The following EHBP1 variants were observed in gnomAD, a reference collection of about 807,000 sequenced individuals.
EHBP1 encodes the protein EH domain-binding protein 1.
Under a neutral mutation model 144.0 loss-of-function variants are expected in EHBP1, and 55 were observed. The ratio of observed to expected loss-of-function variants is 0.38; its 90% CI spans 0.31 to 0.48. The LOEUF (loss-of-function observed/expected upper bound fraction) is 0.48, where lower values mean the gene tolerates loss of function less well. Ranked by LOEUF, EHBP1 falls within the 20% of genes least tolerant of loss-of-function variation. The pLI, the probability that EHBP1 is intolerant of heterozygous loss-of-function variation, is 0.98. For synonymous variants in EHBP1, 469 were observed against 472.7 expected (o/e 0.99, Z 0.10); for missense variants, 1,200 against 1,364.2 (o/e 0.88, Z 1.90).
chr2:62,998,148 T>C (rs777159546), intron 19 of EHBP1, among the ~76,000 whole-genome samples: 17 of 152,302 alleles, frequency 1.1e-4, no homozygotes, highest in Non-Finnish European at 1.8e-4. Flanking sequence ...AGACCTTAGA[T>C]TGGAATTCAG....
At chr2:62,827,291 T>C (rs1001529671) in intron 6 of EHBP1, among the ~76,000 whole-genome samples, 10 of 152,232 alleles carry the variant, frequency 6.6e-5, no homozygotes, top group African/African-American at 1.4e-4. Context: ...GGAAGCATCT[T>C]AGTCTTTCAT....
At chr2:62,748,632 C>T (rs2039380733) in intron 3 of EHBP1, among the ~76,000 whole-genome samples, 1 of 152,060 alleles carries the variant, frequency 6.6e-6, no homozygotes, top group Non-Finnish European at 1.5e-5. Flanking sequence ...TGCCCTCCAG[C>T]CTGGGTGACA....
intron 6 of EHBP1, among the ~76,000 whole-genome samples, chr2:62,828,105 G>A (rs903576402): frequency 1.3e-5 from 2 of 152,130 alleles, no homozygotes; most frequent in Admixed American, 6.5e-5. Context: ...TTAAAAAGGG[G>A]AAATGACTTT....
chr2:62,978,071 C>A (rs921714924), intron 14 of EHBP1, among the ~76,000 whole-genome samples: 1 of 152,070 alleles, frequency 6.6e-6, no homozygotes, highest in Non-Finnish European at 1.5e-5. Flanking sequence ...GGGGAGATAA[C>A]CCTGCAAAGA....
At chr2:62,750,552 G>C (rs1457215625) in intron 3 of EHBP1, among the ~76,000 whole-genome samples, 8 of 152,180 alleles carry the variant, frequency 5.3e-5, no homozygotes, top group African/African-American at 1.9e-4. Context: ...GGATGGCATT[G>C]AATCTATAAA....
intron 8 of EHBP1, among the ~76,000 whole-genome samples, chr2:62,863,600 AT>A (rs2049781553): frequency 6.6e-6 from 1 of 152,120 alleles, no homozygotes; most frequent in East Asian, 1.9e-4. Flanking sequence ...CATTGAAAAA[AT>A]AATCTCATTA....
chr2:62,876,367 AT>A (rs1461483181), intron 10 of EHBP1, among the ~76,000 whole-genome samples: 5 of 152,244 alleles, frequency 3.3e-5, no homozygotes, highest in Admixed American at 2.0e-4. Context: ...GAATTTTTGT[AT>A]CCAGCCAAAC....
chr2:62,915,112 G>A (rs1237777073), intron 10 of EHBP1, among the ~76,000 whole-genome samples: 1 of 151,688 alleles, frequency 6.6e-6, no homozygotes, highest in Admixed American at 6.6e-5. Flanking sequence ...GTTTTTATAT[G>A]GTCTATGTAT....
intron 1 of EHBP1, among the ~76,000 whole-genome samples, chr2:62,686,106 TCTC>T (rs2033709549): frequency 6.6e-6 from 1 of 152,122 alleles, no homozygotes; most frequent in African/African-American, 2.4e-5. Flanking sequence ...GAGAGCAACT[TCTC>T]CTGTTGCTCA....
At chr2:62,786,040 T>G (rs1296874366) in intron 5 of EHBP1, among the ~76,000 whole-genome samples, 1 of 152,196 alleles carries the variant, frequency 6.6e-6, no homozygotes, top group Non-Finnish European at 1.5e-5. Context: ...AACATTGTTA[T>G]AAGCAGTGCA....
chr2:63,029,278 T>TACTG (rs948360155), intron 19 of EHBP1, among the ~76,000 whole-genome samples: 31 of 152,202 alleles, frequency 2.0e-4, no homozygotes, highest in African/African-American at 7.5e-4. Context: ...GATGGGTTTG[T>TACTG]ACTGATTCAC....
intron 7 of EHBP1, among the ~76,000 whole-genome samples, chr2:62,841,814 A>G (rs552383069): frequency 1.6e-4 from 24 of 151,942 alleles, no homozygotes; most frequent in African/African-American, 5.3e-4. Context: ...TTCCAGAAGA[A>G]TAAGTGGGTG....
At chr2:62,860,775 A>C (rs552334592) in intron 8 of EHBP1, among the ~76,000 whole-genome samples, 3 of 152,148 alleles carry the variant, frequency 2.0e-5, no homozygotes, top group Admixed American at 1.3e-4. Context: ...TCTAAATGTA[A>C]GTCTGTTATC....
chr2:62,844,066 A>G (rs539761125), intron 7 of EHBP1, among the ~76,000 whole-genome samples: 4 of 152,332 alleles, frequency 2.6e-5, no homozygotes, highest in South Asian at 4.1e-4. Flanking sequence ...TGTTTCTCCA[A>G]CAAAGCTCAG....
At chr2:63,019,690 G>C (rs992776585) in intron 19 of EHBP1, among the ~76,000 whole-genome samples, 2 of 147,438 alleles carry the variant, frequency 1.4e-5, no homozygotes, top group Non-Finnish European at 3.0e-5. Flanking sequence ...CTGGGCAACA[G>C]AGCGAGACTC....
At chr2:62,804,025 C>G (rs1410248289) in intron 5 of EHBP1, among the ~76,000 whole-genome samples, 1 of 152,214 alleles carries the variant, frequency 6.6e-6, no homozygotes, top group Non-Finnish European at 1.5e-5. Context: ...ACTTAGACTA[C>G]TGCCTGACAA....
intron 19 of EHBP1, among the ~76,000 whole-genome samples, chr2:63,011,978 C>G (rs1185235175): frequency 6.6e-6 from 1 of 151,586 alleles, no homozygotes; most frequent in Non-Finnish European, 1.5e-5. Flanking sequence ...GTTTCAAGTT[C>G]TAACAAAATA....
chr2:62,953,217 C>CAAAAA (rs35848429), intron 13 of EHBP1, among the ~76,000 whole-genome samples: 6 of 64,446 alleles, frequency 9.3e-5, no homozygotes, highest in Admixed American at 4.4e-4. Context: ...AAGTCCGTCT[C>CAAAAA]AAAAAAAAAA....
chr2:62,953,142 G>A (rs1256299387), intron 13 of EHBP1, among the ~76,000 whole-genome samples: 10 of 150,218 alleles, frequency 6.7e-5, no homozygotes, highest in East Asian at 2.0e-4. Context: ...GCTTGAACCC[G>A]GGAGGCGGAG....
Sources: allele counts gnomAD v4.1 joint callset (sites outside exome capture counted in the v4.1 genomes callset), GRCh38; gene constraint gnomAD v4.1.1; transcripts MANE v1.5; gene names NCBI Gene and HGNC (gene_info 2026-07-23, HGNC 2026-07-21).